The following GALNTL6 variants were observed in gnomAD, a reference collection of about 807,000 sequenced individuals.
GALNTL6 encodes the protein polypeptide N-acetylgalactosaminyltransferase like 6, also known as polypeptide N-acetylgalactosaminyltransferase-like 6.
GALNTL6 carries 46 observed loss-of-function variants against 73.7 expected under a neutral mutation model. The observed-to-expected ratio is 0.62, with a 90% confidence interval of 0.49 to 0.80. The LOEUF is 0.80. Ranked by LOEUF, GALNTL6 falls within the 30% of genes least tolerant of loss-of-function variation. GALNTL6 has a pLI of 0.00. For synonymous variants in GALNTL6, 259 were observed against 263.7 expected (o/e 0.98, Z 0.17); for missense variants, 604 against 755.0 (o/e 0.80, Z 2.34).
At chr4:171,903,897 A>G (rs1737189664) in intron 2 of GALNTL6, among the ~76,000 whole-genome samples, 1 of 152,118 alleles carries the variant, frequency 6.6e-6, no homozygotes, top group South Asian at 2.1e-4. Context: ...GACACCTCAC[A>G]CGGCCAGGTA....
At position 172,252,536 on chromosome 4, in the gene GALNTL6, TAAAG is replaced by T. The variant is rs1189137497; in HGVS notation, c.247+22776_247+22779del. On this transcript the variant is annotated intron_variant, in intron 3 of 12. Coordinates refer to ENST00000506823, the MANE Select transcript of GALNTL6 (RefSeq NM_001034845.3). ...ATTGTGGGCTGTATATAGCTAAAGA[TAAAG>T]AAATTTAGATAAAGAGAGGATGGGA... Among the ~76,000 whole-genome samples the T allele has an allele frequency of 3.3e-5, 5 of 152,184 alleles. No homozygotes were observed. The East Asian group carries it at 9.6e-4, about 29-fold the overall frequency.
rs59117759 is a variant in GALNTL6, at chr4:171,930,270, A to T, written c.138+115552A>T. Among the ~76,000 whole-genome samples, 1,418 of 152,278 alleles carry T rather than the reference A, an allele frequency of 9.3e-3. 29 individuals carry two copies. The highest frequency in any genetic ancestry group is 0.033 in the African/African-American group (1,351 of 41,566). On this transcript the variant is annotated intron_variant, in intron 2 of 12. Coordinates refer to ENST00000506823, the MANE Select transcript of GALNTL6 (RefSeq NM_001034845.3). ...GCGAAACCATGCCATCACCTTCACA[A>T]ATTCCTGTAACCTAGGCCACTTGGG...
intron 5 of GALNTL6, among the ~76,000 whole-genome samples, chr4:172,439,105 A>G (rs1181437447): frequency 6.6e-6 from 1 of 150,822 alleles, no homozygotes; most frequent in Non-Finnish European, 1.5e-5. Context: ...TGCTTTTATA[A>G]TTCCTAATTT....
At chr4:172,250,769 A>T (rs535514722) in intron 3 of GALNTL6, among the ~76,000 whole-genome samples, 1 of 152,164 alleles carries the variant, frequency 6.6e-6, no homozygotes, top group Non-Finnish European at 1.5e-5. Context: ...TCATAGTAGC[A>T]TGAGAACAGA....
chr4:172,766,139 G>T (rs189004188), intron 5 of GALNTL6, among the ~76,000 whole-genome samples: 1 of 152,062 alleles, frequency 6.6e-6, no homozygotes, highest in Non-Finnish European at 1.5e-5. Context: ...TTCCTCTGTT[G>T]CCTCTCTCTT....
chr4:171,884,190 A>C (rs1736545079), intron 2 of GALNTL6, among the ~76,000 whole-genome samples: 1 of 152,132 alleles, frequency 6.6e-6, no homozygotes, highest in African/African-American at 2.4e-5. Flanking sequence ...TGAATTACCA[A>C]ATCTTTGCCT....
chr4:172,895,080 T>C (rs539246365), intron 8 of GALNTL6, among the ~76,000 whole-genome samples: 1 of 151,914 alleles, frequency 6.6e-6, no homozygotes, highest in East Asian at 1.9e-4. Context: ...TATATGGGTA[T>C]CTTTATAGAT....
chr4:172,953,696 G>A (rs370515328), intron 10 of GALNTL6, among the ~76,000 whole-genome samples: 2 of 152,232 alleles, frequency 1.3e-5, no homozygotes, highest in African/African-American at 4.8e-5. Context: ...CCAGGATGAA[G>A]GAAAGAGTCA....
chr4:172,309,826 GAAGGA>G (rs1376963191), intron 3 of GALNTL6, among the ~76,000 whole-genome samples: 3 of 151,968 alleles, frequency 2.0e-5, no homozygotes, highest in African/African-American at 7.2e-5. Context: ...AAAATGTAAT[GAAGGA>G]AAGGATACTA....
At chr4:172,938,303 G>A (rs1748731148) in intron 9 of GALNTL6, among the ~76,000 whole-genome samples, 1 of 152,132 alleles carries the variant, frequency 6.6e-6, no homozygotes, top group Non-Finnish European at 1.5e-5. Flanking sequence ...AGGAGGAGGA[G>A]GTGGAGGAGG....
chr4:172,016,824 C>A (rs1358717574), intron 2 of GALNTL6, among the ~76,000 whole-genome samples: 1 of 151,720 alleles, frequency 6.6e-6, no homozygotes, highest in Non-Finnish European at 1.5e-5. Flanking sequence ...ATTCTTGGGG[C>A]TTCTAGGGGT....
intron 4 of GALNTL6, among the ~76,000 whole-genome samples, chr4:172,313,115 C>CG (rs984114084): frequency 7.5e-6 from 1 of 132,980 alleles, no homozygotes; most frequent in African/African-American, 2.8e-5. Context: ...ATCCAGTTCC[C>CG]CCCCCCACCC....
chr4:172,301,210 A>G (rs984290132), intron 3 of GALNTL6, among the ~76,000 whole-genome samples: 4 of 152,130 alleles, frequency 2.6e-5, no homozygotes, highest in Admixed American at 2.0e-4. Context: ...CATGGTTTTC[A>G]GCTCCATCAG....
At chr4:172,076,568 T>C (rs1393284668) in intron 2 of GALNTL6, among the ~76,000 whole-genome samples, 4 of 152,170 alleles carry the variant, frequency 2.6e-5, no homozygotes, top group Non-Finnish European at 5.9e-5. Flanking sequence ...AATCGCCACA[T>C]CTGTACTGTC....
intron 2 of GALNTL6, among the ~76,000 whole-genome samples, chr4:171,827,746 G>A (rs542849454): frequency 6.6e-6 from 1 of 152,068 alleles, no homozygotes; most frequent in South Asian, 2.1e-4. Flanking sequence ...CAAGCTGAAA[G>A]GTGATCACTG....
chr4:172,430,685 G>A (rs761433337), intron 5 of GALNTL6, among the ~76,000 whole-genome samples: 1 of 152,064 alleles, frequency 6.6e-6, no homozygotes, highest in Non-Finnish European at 1.5e-5. Context: ...CACTCCTATA[G>A]TACCAGCTAC....
intron 2 of GALNTL6, among the ~76,000 whole-genome samples, chr4:172,207,543 A>G (rs1323692617): frequency 6.6e-6 from 1 of 152,158 alleles, no homozygotes; most frequent in Non-Finnish European, 1.5e-5. Context: ...ATAAATAGAT[A>G]AACTTTTTCT....
intron 2 of GALNTL6, among the ~76,000 whole-genome samples, chr4:171,918,927 T>C (rs992566925): frequency 2.6e-5 from 4 of 152,064 alleles, no homozygotes; most frequent in African/African-American, 9.7e-5. Flanking sequence ...ATAGTGTGTA[T>C]CTGAAATAGT....
chr4:172,324,456 G>A (rs1405259422), intron 4 of GALNTL6, among the ~76,000 whole-genome samples: 1 of 151,464 alleles, frequency 6.6e-6, no homozygotes, highest in Non-Finnish European at 1.5e-5. Flanking sequence ...TTTTGAAAGG[G>A]CAGTTTTCTA....
Sources: allele counts gnomAD v4.1 joint callset (sites outside exome capture counted in the v4.1 genomes callset), GRCh38; gene constraint gnomAD v4.1.1; transcripts MANE v1.5; gene names NCBI Gene and HGNC (gene_info 2026-07-23, HGNC 2026-07-21).